The following YAF2 variants were observed in gnomAD, a reference collection of about 807,000 sequenced individuals.
YAF2 encodes YY1-associated factor 2.
YAF2 carries 7 observed loss-of-function variants against 20.1 expected under a neutral mutation model. That is an observed-to-expected ratio of 0.35 (90% CI 0.20 to 0.65). The LOEUF is 0.65. YAF2 is among the 30% of genes least tolerant of loss of function. The probability of loss-of-function intolerance (pLI) is 0.69; values close to 1 mark genes in which losing one functional copy is unlikely to be tolerated. For missense variants in YAF2, 151 were observed against 219.2 expected, an observed-to-expected ratio of 0.69 and a Z score of 1.96; for synonymous variants, 74 against 76.0, an observed-to-expected ratio of 0.97 and a Z score of 0.14.
rs1486134804 is a variant in YAF2, at chr12:42,169,565, C to T, written c.153-7800G>A. 3.3e-5 allele frequency among the ~76,000 whole-genome samples: 5 copies of T among 152,146 alleles called. No individual in the cohort carries two copies. The South Asian group carries it at 1.0e-3, about 32-fold the overall frequency. On this transcript the variant is annotated intron_variant, in intron 2 of 3. Transcript: ENST00000534854. ...AGTAGCTAGGACTACAGGCATGCCC[C>T]ACCACACCGGGCTAATTTTTGTATT...
In YAF2 at chr12:42,236,817, A is replaced by G. The variant is rs12313439; in HGVS notation, c.152+782T>C. On this transcript the variant is annotated intron_variant, in intron 2 of 3. Coordinates refer to ENST00000534854, the MANE Select transcript of YAF2 (RefSeq NM_005748.6). ...CGTATAAGAATCAAGGAGCTCGATA[A>G]CTAAGTGCTGACAGATTAAGAATGC... 9.4e-3 allele frequency among the ~76,000 whole-genome samples: 1,431 copies of G among 152,354 alleles called. 26 individuals are homozygous for G. The highest frequency in any genetic ancestry group is 0.033 in the African/African-American group (1,364 of 41,582).
chr12:42,200,246 T>C (rs754313450), intron 2 of YAF2, among the ~76,000 whole-genome samples: 2 of 152,150 alleles, frequency 1.3e-5, no homozygotes, highest in Non-Finnish European at 2.9e-5. Context: ...TTCCTCCTTC[T>C]CCTATTTGTA....
intron 2 of YAF2, among the ~76,000 whole-genome samples, chr12:42,182,429 C>A (rs1157138319): frequency 1.3e-5 from 2 of 151,972 alleles, no homozygotes; most frequent in Non-Finnish European, 2.9e-5. Flanking sequence ...TTGAGAAAGA[C>A]GTGAACAATG....
intron 2 of YAF2, among the ~76,000 whole-genome samples, chr12:42,162,420 C>T (rs887634270): frequency 5.3e-5 from 8 of 152,142 alleles, no homozygotes; most frequent in African/African-American, 1.9e-4. Flanking sequence ...TGAAATGTTG[C>T]CTGGCTTCAA....
chr12:42,187,226 AGTTCACT>A (rs2066496994), intron 2 of YAF2, among the ~76,000 whole-genome samples: 1 of 152,098 alleles, frequency 6.6e-6, no homozygotes. Flanking sequence ...GCACAATCAT[AGTTCACT>A]GTGACCTCAA....
intron 2 of YAF2, among the ~76,000 whole-genome samples, chr12:42,207,414 GCTACT>G (rs1475674037): frequency 6.6e-6 from 1 of 152,104 alleles, no homozygotes; most frequent in Non-Finnish European, 1.5e-5. Flanking sequence ...TTTAAGTGAA[GCTACT>G]CTATACTCTC....
At chr12:42,178,852 C>A (rs1453878820) in intron 2 of YAF2, among the ~76,000 whole-genome samples, 1 of 152,022 alleles carries the variant, frequency 6.6e-6, no homozygotes, top group Non-Finnish European at 1.5e-5. Flanking sequence ...GTGTCTAACA[C>A]CCTGGCGACA....
chr12:42,213,008 T>C (rs1827527448), intron 2 of YAF2, among the ~76,000 whole-genome samples: 1 of 152,196 alleles, frequency 6.6e-6, no homozygotes, highest in African/African-American at 2.4e-5. Context: ...CAAGGAGCAA[T>C]AATGCAAATA....
chr12:42,233,580 C>G, intron 2 of YAF2: 1 of 760,600 alleles, frequency 1.3e-6, no homozygotes, highest in Non-Finnish European at 1.6e-6. Flanking sequence ...GGTATGATCA[C>G]AGCTCACTGC....
chr12:42,185,138 A>G (rs2066438914), intron 2 of YAF2, among the ~76,000 whole-genome samples: 1 of 152,204 alleles, frequency 6.6e-6, no homozygotes, highest in Admixed American at 6.5e-5. Context: ...AGATCGCGCC[A>G]CTGCACTCCA....
chr12:42,226,204 C>G (rs2067690072), intron 2 of YAF2, among the ~76,000 whole-genome samples: 2 of 152,172 alleles, frequency 1.3e-5, no homozygotes, highest in African/African-American at 4.8e-5. Flanking sequence ...TTATTTTAGT[C>G]AAGAAACACT....
chr12:42,212,634 G>C (rs930122429), intron 2 of YAF2: 1 of 234,024 alleles, frequency 4.3e-6, no homozygotes, highest in South Asian at 4.4e-5. Context: ...AATTCAAAAT[G>C]TAATTCTAAT....
chr12:42,232,700 T>C (rs2068018928), intron 2 of YAF2: 1 of 985,270 alleles, frequency 1.0e-6, no homozygotes, highest in African/African-American at 1.7e-5. Context: ...AACCTCAAAT[T>C]TGAAGACATA....
chr12:42,225,393 T>G (rs1345050299), intron 2 of YAF2, among the ~76,000 whole-genome samples: 1 of 152,256 alleles, frequency 6.6e-6, no homozygotes, highest in African/African-American at 2.4e-5. Flanking sequence ...ATTTTGGCTT[T>G]TGTTGCCACT....
At chr12:42,211,419 T>G (rs1303305327) in intron 2 of YAF2, among the ~76,000 whole-genome samples, 17 of 99,372 alleles carry the variant, frequency 1.7e-4, no homozygotes, top group Admixed American at 5.7e-4. Flanking sequence ...AGAGCGAGAC[T>G]CTGTCTCCAA....
chr12:42,169,670 C>T (rs1232229442), intron 2 of YAF2, among the ~76,000 whole-genome samples: 11 of 152,164 alleles, frequency 7.2e-5, no homozygotes, highest in Non-Finnish European at 5.9e-5. Context: ...GCCTCAGCCT[C>T]CCAAAGTGCT....
In YAF2 at chr12:42,237,622, A is replaced by G. The variant is rs771448224; in HGVS notation, c.129T>C (p.Asp43=). 5 of 1,551,452 alleles carry G rather than the reference A, an allele frequency of 3.2e-6. No homozygotes were observed. The highest frequency in any genetic ancestry group is 2.5e-5 in the East Asian group (1 of 40,294). Residue 43 remains aspartate (D), a synonymous_variant, in exon 2 of 4, where the codon GAT becomes GAC. Transcript: ENST00000534854. The part of the protein sequence containing the change: ...SAEAFKCMMC[D]VRKGTSTRKP... The stretch of plus-strand genomic sequence containing the variant: ...ACCGGGTGGAGGTGCCCTTCCGCAC[A>G]TCGCACATCATGCACTTGAAGGCCT...
chr12:42,183,253 G>T (rs955035887), intron 2 of YAF2, among the ~76,000 whole-genome samples: 1 of 151,934 alleles, frequency 6.6e-6, no homozygotes, highest in African/African-American at 2.4e-5. Flanking sequence ...TTAAAATTTG[G>T]CCAATCAATA....
intron 2 of YAF2, among the ~76,000 whole-genome samples, chr12:42,189,578 G>C (rs1394150104): frequency 6.6e-6 from 1 of 152,118 alleles, no homozygotes; most frequent in Non-Finnish European, 1.5e-5. Flanking sequence ...TTAGACTTGT[G>C]TATATGTATA....
Sources: gnomAD v4.1 joint callset for allele counts (sites outside exome capture counted in the v4.1 genomes callset) on GRCh38, gnomAD v4.1.1 for gene constraint, MANE v1.5 for transcripts, NCBI Gene and HGNC (gene_info 2026-07-23, HGNC 2026-07-21) for gene names.